The following AHI1 variants were observed in gnomAD, a reference collection of about 807,000 sequenced individuals.
AHI1 encodes the protein jouberin.
In AHI1, 123 loss-of-function variants were observed where a neutral mutation model predicts 149.3. That is an observed-to-expected ratio of 0.82 (90% CI 0.71 to 0.96). The LOEUF is 0.96. Ranked by LOEUF, AHI1 falls within the 40% of genes least tolerant of loss-of-function variation. AHI1 has a pLI of 0.00. For synonymous variants in AHI1, 475 were observed against 459.8 expected (o/e 1.03, Z -0.42); for missense variants, 1,439 against 1,422.7 (o/e 1.01, Z -0.18).
At chr6:135,414,567 G>T (rs919210811) in intron 20 of AHI1, among the ~76,000 whole-genome samples, 2 of 151,930 alleles carry the variant, frequency 1.3e-5, no homozygotes, top group Admixed American at 6.6e-5. Context: ...AAAACACAAA[G>T]AAATCTCAAA....
At chr6:135,364,568 C>T (rs1281419892) in intron 23 of AHI1, among the ~76,000 whole-genome samples, 2 of 151,082 alleles carry the variant, frequency 1.3e-5, no homozygotes, top group Non-Finnish European at 1.5e-5. Context: ...TGTAGCGAGC[C>T]GAGATCACGC....
chr6:135,492,580 T>C (rs1182150609), intron 3 of AHI1: 1 of 984,722 alleles, frequency 1.0e-6, no homozygotes, highest in Non-Finnish European at 1.2e-6. Context: ...GGTATGTTAA[T>C]AAACTTTTTA....
intron 23 of AHI1, among the ~76,000 whole-genome samples, chr6:135,361,813 G>T (rs1793934239): frequency 6.6e-6 from 1 of 151,730 alleles, no homozygotes; most frequent in South Asian, 2.1e-4. Context: ...TTTGGATTTT[G>T]CTAAGCTTTT....
chr6:135,427,589 A>C (rs1458954888), intron 19 of AHI1, among the ~76,000 whole-genome samples: 1 of 151,696 alleles, frequency 6.6e-6, no homozygotes, highest in Non-Finnish European at 1.5e-5. Context: ...AGAGAGGTAT[A>C]TGACTCTAAG....
rs1434785568 is a variant in AHI1, at chr6:135,350,544, T to C, written c.3165+7588A>G. Among the ~76,000 whole-genome samples the C allele has an allele frequency of 2.0e-5, 3 of 152,082 alleles. No individual in the cohort carries two copies. The East Asian group carries it at 5.8e-4, about 29-fold the overall frequency. ...GACATAGTCCATGCTGTTATGGAAC[T>C]TACATCCAGTTAAGGAAGACCAGAT... On this transcript the variant is annotated intron_variant, in intron 24 of 28. Transcript: ENST00000265602.
At chr6:135,447,754 A>G (rs1787467056) in intron 12 of AHI1, among the ~76,000 whole-genome samples, 1 of 152,240 alleles carries the variant, frequency 6.6e-6, no homozygotes, top group Non-Finnish European at 1.5e-5. Context: ...GCAGCAGTAG[A>G]AACATTACAT....
At chr6:135,439,006 A>C (rs532641288) in intron 14 of AHI1, among the ~76,000 whole-genome samples, 1 of 152,222 alleles carries the variant, frequency 6.6e-6, no homozygotes, top group Non-Finnish European at 1.5e-5. Context: ...TCAATCAGAC[A>C]CACAAAGCAC....
At chr6:135,436,686 T>C (rs1785446327) in intron 15 of AHI1, among the ~76,000 whole-genome samples, 1 of 152,128 alleles carries the variant, frequency 6.6e-6, no homozygotes, top group Non-Finnish European at 1.5e-5. Context: ...CACTGCAACC[T>C]CCACCTCCCA....
chr6:135,306,761 A>T (rs923701178), intron 26 of AHI1: 1 of 152,212 alleles, frequency 6.6e-6, no homozygotes, highest in African/African-American at 2.4e-5. Context: ...GATTGGTGAG[A>T]CAAGTGAAAC....
chr6:135,378,983 C>T (rs1776319327), intron 23 of AHI1, among the ~76,000 whole-genome samples: 1 of 152,128 alleles, frequency 6.6e-6, no homozygotes, highest in Non-Finnish European at 1.5e-5. Context: ...CTCCCATGGG[C>T]TCAAATACCA....
At chr6:135,356,114 C>T (rs2614259) in intron 24 of AHI1, among the ~76,000 whole-genome samples, 82,158 of 151,950 alleles carry the variant, frequency 0.54, 22,321 homozygotes, top group Middle Eastern at 0.64. Flanking sequence ...GGTCTGGGGT[C>T]GAGAAGTCAC....
At chr6:135,428,588 G>A (rs778548659) in intron 19 of AHI1, 41 bp downstream of exon 19, 3 of 1,574,224 alleles carry the variant, frequency 1.9e-6, no homozygotes, top group East Asian at 2.3e-5. Flanking sequence ...TCAAACCCCT[G>A]TACCTCCCCA....
At chr6:135,311,565 C>G (rs559793594) in intron 26 of AHI1, among the ~76,000 whole-genome samples, 1 of 151,986 alleles carries the variant, frequency 6.6e-6, no homozygotes, top group East Asian at 1.9e-4. Flanking sequence ...TAGAACAACT[C>G]TAGTAATTAA....
Position 135,455,777 on chromosome 6 carries a change from A to G in AHI1, c.1301T>C (p.Leu434Pro), listed in dbSNP as rs771603649. 21 of 1,604,222 alleles carry G rather than the reference A, an allele frequency of 1.3e-5. No homozygotes were observed. Among genetic ancestry groups the G allele is most frequent in the Non-Finnish European group, 1.6e-5 (19 of 1,174,624 alleles). Residue 434 changes from leucine (L) to proline (P), a missense_variant, in exon 10 of 29, where the codon CTT becomes CCT. Coordinates refer to ENST00000265602, the MANE Select transcript of AHI1 (RefSeq NM_001134831.2). ...IVFNENFPYLLRGSDESPKVI... is the reference protein window; with the variant it reads ...IVFNENFPYLPRGSDESPKVI... The stretch of plus-strand genomic sequence containing the variant: ...TTTAGGACTCTCATCAGAGCCTCGA[A>G]GCAAATAGGGAAAATTTTCATTAAA...
Position 135,453,395 on chromosome 6 carries a change from A to G in AHI1, c.1386T>C (p.Ser462=). ...FLSVDEIKNN[S]EVQNQECGFR... ...AGCCACATTCTTGGTTTTGAACCTC[A>G]GAATTATTCTTAATTTCATCCACGC... The change falls in exon 11 of 29, where the codon TCT becomes TCC. Residue 462 remains serine (S), a synonymous_variant. Coordinates refer to ENST00000265602, the MANE Select transcript of AHI1 (RefSeq NM_001134831.2). The G allele has an allele frequency of 1.9e-6, 3 of 1,561,336 alleles. No homozygotes were observed. The highest frequency in any genetic ancestry group is 2.6e-6 in the Non-Finnish European group (3 of 1,151,412).
intron 25 of AHI1, among the ~76,000 whole-genome samples, chr6:135,320,462 T>A (rs953138870): frequency 6.6e-6 from 1 of 152,166 alleles, no homozygotes; most frequent in Non-Finnish European, 1.5e-5. Context: ...TTAAAAAAAA[T>A]TTATCTTTTG....
chr6:135,434,742 T>G (rs1562763085), intron 15 of AHI1, among the ~76,000 whole-genome samples: 1 of 151,744 alleles, frequency 6.6e-6, no homozygotes, highest in Non-Finnish European at 1.5e-5. Context: ...AACAAAGAAA[T>G]ACAAATTTGT....
intron 24 of AHI1, among the ~76,000 whole-genome samples, chr6:135,330,262 G>A (rs1788350258): frequency 6.6e-6 from 1 of 152,202 alleles, no homozygotes; most frequent in South Asian, 2.1e-4. Flanking sequence ...GTCAATCGAT[G>A]TGGCAAATTT....
chr6:135,462,733 T>A (rs1790111866), intron 8 of AHI1, among the ~76,000 whole-genome samples: 1 of 152,106 alleles, frequency 6.6e-6, no homozygotes, highest in African/African-American at 2.4e-5. Context: ...AAACCCCGTC[T>A]CTACTAACAA....
Sources: allele counts gnomAD v4.1 joint callset (sites outside exome capture counted in the v4.1 genomes callset), GRCh38; gene constraint gnomAD v4.1.1; transcripts MANE v1.5; gene names NCBI Gene and HGNC (gene_info 2026-07-23, HGNC 2026-07-21).